OBSL1: variants seen among roughly 807,000 people sequenced by gnomAD.
OBSL1 encodes the protein obscurin-like protein 1.
Under a neutral mutation model 172.0 loss-of-function variants are expected in OBSL1, and 160 were observed. The ratio of observed to expected loss-of-function variants is 0.93; its 90% CI spans 0.82 to 1.06. OBSL1 has a LOEUF of 1.06. Among genes scored for constraint, OBSL1 ranks in the 50% least tolerant of loss-of-function variants. The pLI is 0.00. For missense variants in OBSL1, 2,681 were observed against 2,715.4 expected (o/e 0.99, Z 0.28); for synonymous variants, 1,200 against 1,196.3 (o/e 1.00, Z -0.06).
At chr2:219,553,528 C>T (rs1695783430) in intron 16 of OBSL1, 46 bp downstream of exon 16, 1 of 1,325,072 alleles carries the variant, frequency 7.5e-7, no homozygotes, top group Non-Finnish European at 1.1e-6. Flanking sequence ...GCATTATTAT[C>T]GTTGGTGTTA....
Position 219,565,492 on chromosome 2 carries a change from G to T in OBSL1, c.2157C>A (p.Ser719Arg), listed in dbSNP as rs1238363267. The T allele has an allele frequency of 1.9e-6, 3 of 1,608,998 alleles. No homozygotes were observed. The stretch of plus-strand genomic sequence containing the variant: ...AGGTCAACGACACCCTGTCCTGGGG[G>T]CTCAGGATGTGCACCGGGCTCTCTG... Reference protein sequence around the residue: ...TIQESPVHILSPQDRVSLTFT... With the variant: ...TIQESPVHILRPQDRVSLTFT... Residue 719 changes from serine to arginine, a missense_variant, in exon 6 of 21, where the codon AGC (serine) becomes AGA (arginine). Transcript: ENST00000404537.
rs561782466 is a variant in OBSL1 at position 219,562,996 on chromosome 2, G to A, written c.2681-322C>T. 330 of 476,734 alleles carry A rather than the reference G, an allele frequency of 6.9e-4. 1 individual carries two copies. The highest frequency in any genetic ancestry group is 4.3e-3 in the Middle Eastern group (8 of 1,866). The allele number at this position is 476,734 out of a possible 1,614,324, so 29.5% of individuals were successfully genotyped here. A position where few individuals can be genotyped will look rare whatever the true frequency, so the allele number is the denominator to read the frequency against. The stretch of plus-strand genomic sequence containing the variant: ...GGAACTGATGAGAGGAGGGTTGGGG[G>A]GAGGAGCTGGGGGTCTCCTCCTCCA... On this transcript the variant is annotated intron_variant, in intron 7 of 20. Coordinates refer to ENST00000404537, the MANE Select transcript of OBSL1 (RefSeq NM_015311.3).
chr2:219,554,617 T>C lies in OBSL1; in HGVS notation c.4733A>G (p.Gln1578Arg), dbSNP rs10932814. 0.99 allele frequency: 1,594,631 copies of C among 1,612,786 alleles called. 788,800 individuals carry two copies. The highest frequency in any genetic ancestry group is 1 in the East Asian group (44,846 of 44,848). Residue 1578 changes from glutamine (Q) to arginine (R), a missense_variant, in exon 15 of 21, where the codon CAG (glutamine) becomes CGG (arginine). By Grantham distance (43) the Gln-to-Arg change is conservative. Transcript: ENST00000404537. ...VTGEWARGGV[Q>R]LYPGPKCHIH... ...GTGACACTTGGGTCCTGGATACAGC[T>C]GTACTCCACCCCGGGCCCACTCCCC...
At chr2:219,565,960 C>G (rs1696859384) in intron 5 of OBSL1, among the ~76,000 whole-genome samples, 1 of 152,200 alleles carries the variant, frequency 6.6e-6, no homozygotes, top group Non-Finnish European at 1.5e-5. Flanking sequence ...GATCCTTGAA[C>G]TTTGAGCGCC....
chr2:219,553,679 T>G lies in OBSL1; in HGVS notation c.4884A>C (p.Pro1628=), dbSNP rs763068097. ...CAARLIVREV[P]VTIVRGPHDL... is the part of the protein sequence containing the mutation. ...CGTGTGGCCCCCGCACGATGGTCAC[T>G]GGGACCTCTGGGGGTGGGAGAGGGA... The change falls in exon 16 of 21, where the codon CCA becomes CCC. Residue 1628 remains proline, a synonymous_variant. Transcript: ENST00000404537. 1.9e-6 allele frequency: 3 copies of G among 1,612,226 alleles called. No homozygotes were observed. The highest frequency in any genetic ancestry group is 2.5e-6 in the Non-Finnish European group (3 of 1,178,764).
downstream of OBSL1, chr2:219,547,240 T>C (rs1461483176): frequency 2.8e-6 from 1 of 360,644 alleles, no homozygotes; most frequent in Non-Finnish European, 5.0e-6. Flanking sequence ...TCCTAACTCC[T>C]GTGATCCTCA....
At chr2:219,549,506 G>T, downstream of OBSL1, 1 of 1,252,640 alleles carries the variant, frequency 8.0e-7, no homozygotes, top group Non-Finnish European at 1.1e-6. Context: ...ATGCACCAGG[G>T]GCTTGGCGGG....
chr2:219,571,310 G>T lies in OBSL1; in HGVS notation c.-78C>A. 1 of 943,726 alleles carries T rather than the reference G, an allele frequency of 1.1e-6. No homozygotes were observed. Among genetic ancestry groups the T allele is most frequent in the Non-Finnish European group, 1.4e-6 (1 of 727,596 alleles). 58.5% of individuals were successfully genotyped at this position (943,726 alleles called of 1,614,324 possible). A position where few individuals can be genotyped will look rare whatever the true frequency, so the allele number is the denominator to read the frequency against. ...CGGAGGGCGAGCCGAGGCCCGGGGC[G>T]GCGGGGTCGGGGCGCGGCTGGGGAC... On this transcript the variant is annotated 5_prime_UTR_variant, in exon 1 of 21. Transcript: ENST00000404537.
Position 219,563,560 on chromosome 2 carries a change from G to A in OBSL1, c.2475C>T (p.Val825=). The change falls in exon 7 of 21, where the codon GTC becomes GTT. Residue 825 remains valine (V), a synonymous_variant. Transcript: ENST00000404537. ...CTCGGTCCACCTCACAGGCCAGCAT[G>A]ACACACTCGGAAGTTATGGCATGCA... The part of the protein sequence containing the change: ...VFVHAITSEC[V]MLACEVDRED... 6.2e-7 allele frequency: 1 copy of A among 1,613,748 alleles called. No homozygotes were observed.
Position 219,554,465 on chromosome 2 carries a change from A to G in OBSL1, c.4876+9T>C. 7 of 1,611,990 alleles carry G rather than the reference A, an allele frequency of 4.3e-6. No homozygotes were observed. Among genetic ancestry groups the G allele is most frequent in the Non-Finnish European group, 5.9e-6 (7 of 1,179,014 alleles). Reference sequence around the variant, plus strand: ...GTCAGCAGGCAGGCTGTGGTCCTGGAGGCCACACCTCTCACAATGAGTCTG... The same window carrying G: ...GTCAGCAGGCAGGCTGTGGTCCTGGGGGCCACACCTCTCACAATGAGTCTG... On this transcript the variant is annotated intron_variant, in intron 15 of 20. Transcript: ENST00000404537.
chr2:219,564,041 G>A (rs1299521959), intron 6 of OBSL1, among the ~76,000 whole-genome samples: 1 of 152,240 alleles, frequency 6.6e-6, no homozygotes, highest in Non-Finnish European at 1.5e-5. Flanking sequence ...AGTGGCAACA[G>A]TGAGACAGCC....
intron 15 of OBSL1, chr2:219,554,200 C>T (rs547738880): frequency 1.9e-4 from 102 of 540,578 alleles, no homozygotes; most frequent in African/African-American, 1.7e-3. Flanking sequence ...GGCGGGCAGA[C>T]AGCAGTGACC....
chr2:219,553,754 G>A lies in OBSL1; in HGVS notation c.4877-68C>T. The A allele has an allele frequency of 1.3e-5, 14 of 1,119,494 alleles. 1 individual carries two copies. In the South Asian group the frequency reaches 1.8e-4, roughly 14 times the overall value. The allele number at this position is 1,119,494 out of a possible 1,614,324, so 69.3% of individuals were successfully genotyped here. On this transcript the variant is annotated intron_variant, in intron 15 of 20. Transcript: ENST00000404537. ...GGGACCCATCTTGCAGGGACAAGGA[G>A]GACATACACTTGGGCACAACAGGCA...
At position 219,558,705 on chromosome 2, in the gene OBSL1, G is replaced by T. The variant is rs931993375; in HGVS notation, c.3227-246C>A. ...TGCACTTCATGGCTGAGGACCTGAG[G>T]CCTCTTTAGAAGAAACTGACTTGCC... On this transcript the variant is annotated intron_variant, in intron 9 of 20. Coordinates refer to ENST00000404537, the MANE Select transcript of OBSL1 (RefSeq NM_015311.3). Among the ~76,000 whole-genome samples the T allele has an allele frequency of 2.0e-5, 3 of 152,250 alleles. No individual in the cohort carries two copies. In the East Asian group the frequency reaches 5.8e-4, roughly 29 times the overall value.
At chr2:219,561,329 C>T (rs368126955) in intron 8 of OBSL1, among the ~76,000 whole-genome samples, 2 of 152,008 alleles carry the variant, frequency 1.3e-5, no homozygotes, top group East Asian at 1.9e-4. Context: ...CTGGGCTGGG[C>T]GCTGTGAGCC....
In OBSL1 at chr2:219,562,778, G is replaced by A. The variant is rs1574556976; in HGVS notation, c.2681-104C>T. ...CCTGGAAAGTAGGCCATGTGTTGAA[G>A]AGGGACCTTCCTGAGACCAAATCTC... On this transcript the variant is annotated intron_variant, in intron 7 of 20. Transcript: ENST00000404537. The A allele has an allele frequency of 4.7e-6, 6 of 1,289,322 alleles. No homozygotes were observed. The East Asian group carries it at 1.3e-4, about 27-fold the overall frequency. The allele number at this position is 1,289,322 out of a possible 1,614,324, so 79.9% of individuals were successfully genotyped here.
rs867499809 is a variant in OBSL1, at chr2:219,571,326, G to A, written c.-94C>T. 76 of 829,044 alleles carry A rather than the reference G, an allele frequency of 9.2e-5. No homozygotes were observed. The African/African-American group carries it at 1.0e-3, about 11-fold the overall frequency. The allele number at this position is 829,044 out of a possible 1,614,324, so 51.4% of individuals were successfully genotyped here. A position where few individuals can be genotyped will look rare whatever the true frequency, so the allele number is the denominator to read the frequency against. On this transcript the variant is annotated 5_prime_UTR_variant, in exon 1 of 21. Transcript: ENST00000404537. ...GCCCGGGGCGGCGGGGTCGGGGCGC[G>A]GCTGGGGACTGGGCGCGGGGACCCG... is the stretch of plus-strand genomic sequence containing the variant.
chr2:219,566,646 G>A (rs937245409), intron 5 of OBSL1, among the ~76,000 whole-genome samples, 184 bp downstream of exon 5: 6 of 152,224 alleles, frequency 3.9e-5, no homozygotes, highest in Non-Finnish European at 7.3e-5. Flanking sequence ...GGGGTGCCCT[G>A]GATGTTGCAT....
intron 16 of OBSL1, 48 bp from the exon 17 acceptor site, chr2:219,553,072 G>C (rs1695753046): frequency 1.4e-6 from 2 of 1,419,024 alleles, no homozygotes; most frequent in South Asian, 3.0e-5. Context: ...GCTGGGCACA[G>C]GCGACCCCGG....
Sources: gnomAD v4.1 joint callset for allele counts (sites outside exome capture counted in the v4.1 genomes callset) on GRCh38, gnomAD v4.1.1 for gene constraint, MANE v1.5 for transcripts, NCBI Gene and HGNC (gene_info 2026-07-23, HGNC 2026-07-21) for gene names.